MFSD8: variants seen among roughly 807,000 people sequenced by gnomAD.
The protein encoded by MFSD8 is major facilitator superfamily domain containing 8, also known as major facilitator superfamily domain-containing protein 8.
In MFSD8, 55 loss-of-function variants were observed where a neutral mutation model predicts 66.4. The observed-to-expected ratio is 0.83, with a 90% CI of 0.67 to 1.04. The LOEUF is 1.04. MFSD8 is among the 50% of genes least tolerant of loss of function. The pLI is 0.00. For missense variants in MFSD8, 550 were observed against 627.6 expected, an observed-to-expected ratio of 0.88 and a Z score of 1.32; for synonymous variants, 202 against 212.8, an observed-to-expected ratio of 0.95 and a Z score of 0.44.
In MFSD8 at chr4:127,920,773, T is replaced by C. The variant is rs1161299726; in HGVS notation, c.1414A>G (p.Ile472Val). ...CCCCAGTGAGCATACACTTGGCTGA[T>C]GAACATAGGCCCAAGAATCCGGGCT... ...SGARILGPMF[I>V]SQVYAHWGPR... The change falls in exon 12 of 12, where the codon ATC becomes GTC. Residue 472 changes from isoleucine (I) to valine (V), a missense_variant. By Grantham distance (29) the Ile-to-Val change is conservative. Transcript: ENST00000641686. The C allele has an allele frequency of 1.2e-6, 2 of 1,614,120 alleles. No homozygotes were observed. The highest frequency in any genetic ancestry group is 1.7e-5 in the Admixed American group (1 of 59,990).
chr4:127,932,016 C>T (rs2148878514), intron 8 of MFSD8, among the ~76,000 whole-genome samples: 1 of 152,218 alleles, frequency 6.6e-6, no homozygotes, highest in Non-Finnish European at 1.5e-5. Context: ...AGGGCTGAGG[C>T]TGGAAGGTCA....
rs77663023 is a variant in MFSD8 at position 127,958,672 on chromosome 4, C to T, written c.63-1080G>A. On this transcript the variant is annotated intron_variant, in intron 1 of 11. Coordinates refer to ENST00000641686, the MANE Select transcript of MFSD8 (RefSeq NM_001371596.2). ...AATGTAGCTTACCTGAGAAAAATAC[C>T]AGAACCCTAGATGCCCATACTTTGA... Among the ~76,000 whole-genome samples the T allele has an allele frequency of 5.6e-3, 855 of 151,770 alleles. 12 individuals carry two copies. The highest frequency in any genetic ancestry group is 0.02 in the African/African-American group (827 of 41,402).
At chr4:127,942,909 T>G (rs1233504727) in intron 4 of MFSD8, among the ~76,000 whole-genome samples, 2 of 152,184 alleles carry the variant, frequency 1.3e-5, no homozygotes, top group African/African-American at 4.8e-5. Context: ...TAAAGTATCA[T>G]TAATTCTTTC....
rs1738398887 is a variant in MFSD8, at chr4:127,932,881, CTTACA to C, written c.863+99_863+103del. On this transcript the variant is annotated intron_variant, in intron 8 of 11. Transcript: ENST00000641686. Reference sequence around the variant, plus strand: ...TTACATCATGGTAAGAAAAATTTGCCTTACATAAGATTTTCAATAACATCTATATG... The same window carrying C: ...TTACATCATGGTAAGAAAAATTTGCCTAAGATTTTCAATAACATCTATATG... 1.9e-5 allele frequency: 19 copies of C among 1,015,266 alleles called. No homozygotes were observed. In the South Asian group the frequency reaches 3.0e-4, roughly 16 times the overall value. The allele number at this position is 1,015,266 out of a possible 1,614,324, so 62.9% of individuals were successfully genotyped here.
intron 5 of MFSD8, among the ~76,000 whole-genome samples, chr4:127,940,665 A>AT (rs1329211617): frequency 6.6e-6 from 1 of 151,108 alleles, no homozygotes; most frequent in Non-Finnish European, 1.5e-5. Flanking sequence ...TTTTTTAGTG[A>AT]TTTTAAACAT....
chr4:127,921,264 C>T (rs1399206666), intron 11 of MFSD8: 2 of 620,022 alleles, frequency 3.2e-6, no homozygotes, highest in Non-Finnish European at 5.6e-6. Context: ...GGTTTGAAGC[C>T]ATATTTGGCT....
In MFSD8 at chr4:127,938,807, A is replaced by G. The variant is rs956811026; in HGVS notation, c.730T>C (p.Cys244Arg). The change falls in exon 7 of 12, where the codon TGT becomes CGT. Residue 244 changes from cysteine (C) to arginine (R), a missense_variant. Transcript: ENST00000641686. ...CCTTCTTCAAAATTAATACTTTTAC[A>G]CTGTCTTCCTGAGTCATCCACACGA... ...EHRVDDSGRQCKSINFEEAST... is the reference protein window; with the variant it reads ...EHRVDDSGRQRKSINFEEAST... 1.9e-6 allele frequency: 3 copies of G among 1,610,760 alleles called. No individual in the cohort carries two copies. The highest frequency in any genetic ancestry group is 1.7e-4 in the Middle Eastern group (1 of 6,044).
intron 3 of MFSD8, 120 bp from the exon 4 acceptor site, chr4:127,944,112 T>TAA: frequency 7.5e-7 from 1 of 1,340,740 alleles, no homozygotes; most frequent in Non-Finnish European, 1.0e-6. Context: ...AACGTATAAG[T>TAA]TTTATAACAC....
At chr4:127,928,266 CTGTATTTTTAGTAGAAAAATTTT>C (rs755582201) in intron 9 of MFSD8, among the ~76,000 whole-genome samples, 2 of 152,012 alleles carry the variant, frequency 1.3e-5, no homozygotes, top group African/African-American at 4.8e-5. Context: ...CCACCACGCC[CTGTATTTTTAGTAGAAAAATTTT>C]TGTATTTTTA....
intron 6 of MFSD8, 70 bp from the exon 7 acceptor site, chr4:127,938,908 G>T: frequency 2.4e-6 from 3 of 1,226,064 alleles, no homozygotes; most frequent in Non-Finnish European, 3.5e-6. Flanking sequence ...ATTTATTATC[G>T]GCATTGTATT....
chr4:127,935,828 T>C (rs1578866155), intron 7 of MFSD8, among the ~76,000 whole-genome samples: 1 of 152,184 alleles, frequency 6.6e-6, no homozygotes, highest in East Asian at 1.9e-4. Flanking sequence ...ATTTACTTTA[T>C]TTAAATAGCC....
chr4:127,947,407 G>A (rs570180965), intron 3 of MFSD8, among the ~76,000 whole-genome samples: 142 of 151,862 alleles, frequency 9.4e-4, no homozygotes, highest in South Asian at 2.1e-4. Context: ...GTGAAACCCC[G>A]TCTCTACTAA....
chr4:127,965,347 C>T, upstream of MFSD8: 1 of 625,644 alleles, frequency 1.6e-6, no homozygotes, highest in Non-Finnish European at 2.9e-6. Flanking sequence ...CCTCCTCCCT[C>T]GGCACGCGCC....
Sources: allele counts gnomAD v4.1 joint callset (sites outside exome capture counted in the v4.1 genomes callset), GRCh38; gene constraint gnomAD v4.1.1; transcripts MANE v1.5; gene names NCBI Gene and HGNC (gene_info 2026-07-23, HGNC 2026-07-21).